LDAH: variants seen among roughly 807,000 people sequenced by gnomAD.
The protein encoded by LDAH is lipid droplet-associated hydrolase.
LDAH carries 26 observed loss-of-function variants against 29.6 expected under a neutral mutation model. The ratio of observed to expected loss-of-function variants is 0.88; its 90% confidence interval spans 0.64 to 1.22. LDAH has a LOEUF of 1.22. LDAH is among the 50% of genes most tolerant of loss of function. The pLI is 0.00. For synonymous variants in LDAH, 117 were observed against 133.0 expected, an observed-to-expected ratio of 0.88 and a Z score of 0.83; for missense variants, 344 against 387.3, an observed-to-expected ratio of 0.89 and a Z score of 0.94.
chr2:20,771,200 A>G (rs995376870), intron 4 of LDAH, among the ~76,000 whole-genome samples: 15 of 152,332 alleles, frequency 9.8e-5, no homozygotes, highest in Middle Eastern at 3.4e-3. Flanking sequence ...TATATCTGAC[A>G]TATACAATAA....
chr2:20,796,204 C>A (rs1671296101), intron 2 of LDAH, among the ~76,000 whole-genome samples: 1 of 152,196 alleles, frequency 6.6e-6, no homozygotes, highest in South Asian at 2.1e-4. Context: ...GGGCTCTCTT[C>A]CTTTCAATCC....
intron 6 of LDAH, among the ~76,000 whole-genome samples, chr2:20,700,879 C>T (rs1437782649): frequency 6.6e-6 from 1 of 152,150 alleles, no homozygotes; most frequent in Non-Finnish European, 1.5e-5. Flanking sequence ...TATGGCACAA[C>T]TCAATTAAGG....
At chr2:20,779,572 C>T (rs1178168416) in intron 3 of LDAH, among the ~76,000 whole-genome samples, 1 of 151,236 alleles carries the variant, frequency 6.6e-6, no homozygotes, top group African/African-American at 2.4e-5. Flanking sequence ...ATATATATAA[C>T]TACAAACATA....
At chr2:20,779,120 A>G (rs1283811749) in intron 3 of LDAH, among the ~76,000 whole-genome samples, 1 of 152,194 alleles carries the variant, frequency 6.6e-6, no homozygotes, top group East Asian at 1.9e-4. Context: ...CTCAGCTACT[A>G]AACCCTTCCA....
chr2:20,719,421 T>C (rs1665484678), intron 5 of LDAH, among the ~76,000 whole-genome samples: 1 of 151,512 alleles, frequency 6.6e-6, no homozygotes, highest in East Asian at 1.9e-4. Context: ...AAATACAATC[T>C]ACTAAAATTG....
At chr2:20,773,275 A>G (rs527609753) in intron 4 of LDAH, among the ~76,000 whole-genome samples, 2 of 152,260 alleles carry the variant, frequency 1.3e-5, no homozygotes, top group South Asian at 2.1e-4. Flanking sequence ...ACTCAAAACT[A>G]AAGTAGAGAC....
chr2:20,682,847 A>C (rs768961957), downstream of LDAH, among the ~76,000 whole-genome samples: 4 of 152,178 alleles, frequency 2.6e-5, no homozygotes, highest in Non-Finnish European at 4.4e-5. Context: ...TTAGCAAGGC[A>C]CCTCAGTGGT....
chr2:20,695,090 C>T (rs990475156), intron 6 of LDAH, among the ~76,000 whole-genome samples: 22 of 152,364 alleles, frequency 1.4e-4, no homozygotes, highest in Admixed American at 1.2e-3. Context: ...GAGAGAAGGG[C>T]TAAGTCCAGT....
At position 20,685,553 on chromosome 2, in the gene LDAH, G is replaced by A; in HGVS notation, c.*1350C>T. On this transcript the variant is annotated 3_prime_UTR_variant, in exon 7 of 7. Coordinates refer to ENST00000237822, the MANE Select transcript of LDAH (RefSeq NM_021925.4). ...TAACTCATTCAGCACTTACCAATAA[G>A]TTGGCAGCAAATCAGAGCCAAATCT... 1.3e-6 allele frequency: 2 copies of A among 1,550,372 alleles called. No individual in the cohort carries two copies. The highest frequency in any genetic ancestry group is 2.0e-5 in the Admixed American group (1 of 50,974).
chr2:20,805,272 A>T (rs940398833), intron 1 of LDAH, among the ~76,000 whole-genome samples: 1 of 152,186 alleles, frequency 6.6e-6, no homozygotes. Flanking sequence ...CTCAAATAAA[A>T]TAAGCTGAGA....
intron 4 of LDAH, among the ~76,000 whole-genome samples, chr2:20,756,991 C>T (rs911134224): frequency 3.3e-5 from 5 of 152,192 alleles, no homozygotes; most frequent in African/African-American, 1.2e-4. Flanking sequence ...GCACCAGCTG[C>T]TAATGGTGTT....
rs1662441560 is a variant in LDAH, at chr2:20,684,734, A to C, written c.*2169T>G. ...TAGGAACAAACACGGGTGTGGTCAA[A>C]GCTCAATCGCTGAGCACTCGGTAAC... On this transcript the variant is annotated 3_prime_UTR_variant, in exon 7 of 7. Transcript: ENST00000237822. The C allele has an allele frequency of 1.1e-5, 9 of 823,280 alleles. No homozygotes were observed. The highest frequency in any genetic ancestry group is 1.7e-5 in the Non-Finnish European group (9 of 544,062). The allele number at this position is 823,280 out of a possible 1,614,324, so 51.0% of individuals were successfully genotyped here.
intron 4 of LDAH, among the ~76,000 whole-genome samples, chr2:20,769,859 A>G (rs1669284336): frequency 6.6e-6 from 1 of 152,226 alleles, no homozygotes; most frequent in Non-Finnish European, 1.5e-5. Flanking sequence ...ATTATAATGT[A>G]GTTACTGGTT....
intron 3 of LDAH, among the ~76,000 whole-genome samples, chr2:20,778,771 A>C (rs901828407): frequency 2.8e-4 from 43 of 152,176 alleles, no homozygotes; most frequent in Non-Finnish European, 4.4e-5. Flanking sequence ...TTTGATTCAT[A>C]AAAAGTACTG....
intron 5 of LDAH, among the ~76,000 whole-genome samples, chr2:20,716,764 G>T (rs1665236622): frequency 7.7e-6 from 1 of 129,546 alleles, no homozygotes; most frequent in Admixed American, 8.4e-5. Flanking sequence ...AAGCACCCTG[G>T]CTGACAGCCA....
intron 5 of LDAH, among the ~76,000 whole-genome samples, chr2:20,712,371 C>A (rs574407865): frequency 6.6e-6 from 1 of 152,266 alleles, no homozygotes; most frequent in Admixed American, 6.5e-5. Context: ...ACACCAAAAC[C>A]CCATCTGTAG....
intron 5 of LDAH, among the ~76,000 whole-genome samples, chr2:20,727,033 A>T (rs186278821): frequency 8.0e-4 from 122 of 152,300 alleles, no homozygotes; most frequent in Admixed American, 3.5e-3. Flanking sequence ...AAACAAAAAA[A>T]CCTTTTCCTT....
chr2:20,791,104 T>C (rs1670916567), intron 2 of LDAH, among the ~76,000 whole-genome samples: 1 of 152,240 alleles, frequency 6.6e-6, no homozygotes, highest in African/African-American at 2.4e-5. Flanking sequence ...TTACATGACA[T>C]GGCTCTGGAG....
rs58311305 is a variant in LDAH at position 20,808,115 on chromosome 2, A to G, written c.-2-6650T>C. 7.5e-3 allele frequency among the ~76,000 whole-genome samples: 1,149 copies of G among 152,292 alleles called. 18 individuals carry two copies. The highest frequency in any genetic ancestry group is 0.026 in the African/African-American group (1,084 of 41,578). ...GCATCAAAAAAATCAAATACTTAGG[A>G]ATAAATCTAACAAATGATGTGCAAG... On this transcript the variant is annotated intron_variant, in intron 1 of 6. Transcript: ENST00000237822.
Sources: gnomAD v4.1 joint callset for allele counts (sites outside exome capture counted in the v4.1 genomes callset) on GRCh38, gnomAD v4.1.1 for gene constraint, MANE v1.5 for transcripts, NCBI Gene and HGNC (gene_info 2026-07-23, HGNC 2026-07-21) for gene names.